Variants in RUNX1T1 observed in about 807,000 individuals in gnomAD.
The protein encoded by RUNX1T1 is RUNX1 partner transcriptional co-repressor 1.
In RUNX1T1, 4 loss-of-function variants were observed where a neutral mutation model predicts 62.8. That is an observed-to-expected ratio of 0.06 (90% CI 0.03 to 0.15). The LOEUF (loss-of-function observed/expected upper bound fraction) is 0.15, where lower values mean the gene tolerates loss of function less well. Among genes scored for constraint, RUNX1T1 ranks in the 10% least tolerant of loss-of-function variants. The pLI, the probability that RUNX1T1 is intolerant of heterozygous loss-of-function variation, is 1.00. For missense variants in RUNX1T1, 508 were observed against 754.3 expected, an observed-to-expected ratio of 0.67 and a Z score of 3.82; for synonymous variants, 291 against 286.0, an observed-to-expected ratio of 1.02 and a Z score of -0.18.
At chr8:91,987,084 A>G in intron 6 of RUNX1T1, 112 bp from the exon 8 acceptor site, 1 of 743,234 alleles carries the variant, frequency 1.3e-6, no homozygotes, top group Non-Finnish European at 2.4e-6. Context: ...AATACGTTTG[A>G]TTTTGGATGG....
intron 5 of RUNX1T1, among the ~76,000 whole-genome samples, chr8:92,002,816 T>C (rs997015478): frequency 6.6e-6 from 1 of 152,096 alleles, no homozygotes; most frequent in Admixed American, 6.6e-5. Context: ...CTCCATACTC[T>C]ATAAAATTTC....
At chr8:92,030,599 T>C (rs545104586) in intron 1 of RUNX1T1, among the ~76,000 whole-genome samples, 1 of 152,312 alleles carries the variant, frequency 6.6e-6, no homozygotes, top group African/African-American at 2.4e-5. Flanking sequence ...CAATGGGGCT[T>C]CTATCACTAC....
intron 3 of RUNX1T1, among the ~76,000 whole-genome samples, chr8:92,011,815 GC>G (rs2131103040): frequency 6.6e-6 from 1 of 152,178 alleles, no homozygotes; most frequent in Non-Finnish European, 1.5e-5. Flanking sequence ...AAAAAAACAA[GC>G]CCCAAATACT....
At chr8:91,961,487 G>A (rs1177284964) in intron 10 of RUNX1T1, among the ~76,000 whole-genome samples, 1 of 152,180 alleles carries the variant, frequency 6.6e-6, no homozygotes, top group Non-Finnish European at 1.5e-5. Context: ...TGTGGGCAGT[G>A]TTTTGCAAGA....
upstream of RUNX1T1, chr8:92,062,976 T>C: frequency 8.2e-7 from 1 of 1,213,242 alleles, no homozygotes; most frequent in Non-Finnish European, 1.0e-6. Flanking sequence ...ACCACCCCCA[T>C]CCTGTTCAAG....
At chr8:92,071,836 C>T (rs934891719) in intron 2 of RUNX1T1, among the ~76,000 whole-genome samples, 1 of 152,168 alleles carries the variant, frequency 6.6e-6, no homozygotes, top group Non-Finnish European at 1.5e-5. Context: ...TATCAACTTC[C>T]GCAAGAACTG....
upstream of RUNX1T1, among the ~76,000 whole-genome samples, chr8:92,064,654 A>C (rs551069088): frequency 1.1e-4 from 16 of 152,304 alleles, no homozygotes; most frequent in Non-Finnish European, 2.2e-4. Flanking sequence ...TGTTAGAAAG[A>C]AAACATTTTC....
chr8:92,032,709 T>A (rs1169479187), intron 1 of RUNX1T1, among the ~76,000 whole-genome samples: 2 of 151,724 alleles, frequency 1.3e-5, no homozygotes, highest in Non-Finnish European at 2.9e-5. Flanking sequence ...GGCCCAGGAG[T>A]TCAAGGCTCC....
At chr8:92,074,038 C>T (rs79357403) in intron 2 of RUNX1T1, among the ~76,000 whole-genome samples, 2,039 of 152,100 alleles carry the variant, frequency 0.013, 45 homozygotes, top group African/African-American at 0.046. Context: ...ACAAAGAAAA[C>T]CCAACAGTTA....
intron 3 of RUNX1T1, among the ~76,000 whole-genome samples, chr8:92,014,160 A>G (rs1822529033): frequency 6.6e-6 from 1 of 152,208 alleles, no homozygotes; most frequent in Non-Finnish European, 1.5e-5. Flanking sequence ...AAGCAATGAA[A>G]TTAAAATGAG....
chr8:92,023,899 A>G (rs1824608912), intron 1 of RUNX1T1, among the ~76,000 whole-genome samples: 1 of 152,166 alleles, frequency 6.6e-6, no homozygotes, highest in Non-Finnish European at 1.5e-5. Flanking sequence ...GTCCTTCTCC[A>G]AGATCTTTAT....
intron 5 of RUNX1T1, among the ~76,000 whole-genome samples, chr8:91,997,350 T>C (rs1818906441): frequency 1.3e-5 from 2 of 152,138 alleles, no homozygotes; most frequent in African/African-American, 4.8e-5. Flanking sequence ...TTTTTTTCTC[T>C]ACATTAACAT....
At chr8:92,036,816 C>G (rs1413244775) in intron 1 of RUNX1T1, among the ~76,000 whole-genome samples, 1 of 152,156 alleles carries the variant, frequency 6.6e-6, no homozygotes, top group African/African-American at 2.4e-5. Context: ...AGTTAACCTT[C>G]AGTGTTTCCT....
At chr8:92,068,370 G>T (rs1001538979) in intron 2 of RUNX1T1, among the ~76,000 whole-genome samples, 1 of 152,054 alleles carries the variant, frequency 6.6e-6, no homozygotes, top group African/African-American at 2.4e-5. Context: ...AAACGCAAGG[G>T]TGATGGCATA....
At chr8:91,956,065 G>A (rs563604608), downstream of RUNX1T1, 32 of 230,080 alleles carry the variant, frequency 1.4e-4, no homozygotes, top group Non-Finnish European at 2.3e-4. Flanking sequence ...GTATGCACAA[G>A]GCAGCCAAGC....
Position 91,960,019 on chromosome 8 carries a change from G to C in RUNX1T1, c.*223C>G, listed in dbSNP as rs1314659063. ...TCTCTTTTCAGTTCTCTAAAGAAAA[G>C]ATATCTTTGTTATCCACAATAAGTC... is the stretch of plus-strand genomic sequence containing the variant. On this transcript the variant is annotated 3_prime_UTR_variant, in exon 11 of 11. Transcript: ENST00000396218. The C allele has an allele frequency of 5.2e-6, 3 of 575,026 alleles. No individual in the cohort carries two copies. In the East Asian group the frequency reaches 8.7e-5, roughly 17 times the overall value. 35.6% of individuals were successfully genotyped at this position (575,026 alleles called of 1,614,324 possible). A position where few individuals can be genotyped will look rare whatever the true frequency, so the allele number is the denominator to read the frequency against.
At chr8:92,091,538 T>G (rs934565134) in intron 1 of RUNX1T1, among the ~76,000 whole-genome samples, 2 of 152,216 alleles carry the variant, frequency 1.3e-5, no homozygotes, top group African/African-American at 4.8e-5. Flanking sequence ...GTTGGTGTCA[T>G]GTAAGGTACC....
intron 2 of RUNX1T1, among the ~76,000 whole-genome samples, chr8:92,071,792 C>T (rs1247804990): frequency 6.6e-6 from 1 of 152,130 alleles, no homozygotes; most frequent in Non-Finnish European, 1.5e-5. Context: ...TGGGTATGAG[C>T]CTGACCCCGA....
rs150061303 is a variant in RUNX1T1, at chr8:92,056,185, G to A, written c.7+6361C>T. Among the ~76,000 whole-genome samples, 1,093 of 152,228 alleles carry A rather than the reference G, an allele frequency of 7.2e-3. 14 individuals are homozygous for A. Among genetic ancestry groups the A allele is most frequent in the African/African-American group, 0.025 (1,020 of 41,544 alleles). On this transcript the variant is annotated intron_variant, in intron 1 of 10. Transcript: ENST00000396218. ...AGGGAAAGTTCAAACGTAAAATAAC[G>A]AGACTCTCAAAAGCACAGCAATTGT...
Sources: allele counts gnomAD v4.1 joint callset (sites outside exome capture counted in the v4.1 genomes callset), GRCh38; gene constraint gnomAD v4.1.1; transcripts MANE v1.5; gene names NCBI Gene and HGNC (gene_info 2026-07-23, HGNC 2026-07-21).